The following RAB36 variants were observed in gnomAD, a reference collection of about 807,000 sequenced individuals.
The protein encoded by RAB36 is RAB36, member RAS oncogene family, also known as ras-related protein Rab-36.
Under a neutral mutation model 39.3 loss-of-function variants are expected in RAB36, and 33 were observed. That is an observed-to-expected ratio of 0.84 (90% CI 0.64 to 1.12). The LOEUF (loss-of-function observed/expected upper bound fraction) is 1.12. Among genes scored for constraint, RAB36 ranks in the 50% most tolerant of loss-of-function variants. The probability of loss-of-function intolerance (pLI) is 0.00; values close to 1 mark genes in which losing one functional copy is unlikely to be tolerated. For synonymous variants in RAB36, 133 were observed against 140.2 expected, an observed-to-expected ratio of 0.95 and a Z score of 0.36; for missense variants, 308 against 355.3, an observed-to-expected ratio of 0.87 and a Z score of 1.07.
At position 23,161,608 on chromosome 22, in the gene RAB36, A is replaced by G; in HGVS notation, c.*44A>G. ...GCCTCCGCTCCCTGCACACACACGG[A>G]CAGGAATTTCCGTGACTGTGGTGTG... On this transcript the variant is annotated 3_prime_UTR_variant, in exon 11 of 11. Coordinates refer to ENST00000263116, the MANE Select transcript of RAB36 (RefSeq NM_004914.5). 1 of 1,501,268 alleles carries G rather than the reference A, an allele frequency of 6.7e-7. No homozygotes were observed. Among genetic ancestry groups the G allele is most frequent in the Non-Finnish European group, 9.1e-7 (1 of 1,096,714 alleles). The allele number at this position is 1,501,268 out of a possible 1,614,324, so 93.0% of individuals were successfully genotyped here.
rs1361821682 is a variant in RAB36, at chr22:23,158,994, A to C, written c.528+15A>C. 4.3e-6 allele frequency: 7 copies of C among 1,613,050 alleles called. No homozygotes were observed. Among genetic ancestry groups the C allele is most frequent in the Non-Finnish European group, 2.5e-6 (3 of 1,179,146 alleles). On this transcript the variant is annotated intron_variant, in intron 8 of 10. Coordinates refer to ENST00000263116, the MANE Select transcript of RAB36 (RefSeq NM_004914.5). Reference sequence around the variant, plus strand: ...AGGACCTTCTGGTGAGCAGAGTGGCACTGGTGGTCTGGGTGGCCCTTGGGA... The same window carrying C: ...AGGACCTTCTGGTGAGCAGAGTGGCCCTGGTGGTCTGGGTGGCCCTTGGGA...
In RAB36 at chr22:23,158,992, G is replaced by A; in HGVS notation, c.528+13G>A. Reference sequence around the variant, plus strand: ...GAAGGACCTTCTGGTGAGCAGAGTGGCACTGGTGGTCTGGGTGGCCCTTGG... The same window carrying A: ...GAAGGACCTTCTGGTGAGCAGAGTGACACTGGTGGTCTGGGTGGCCCTTGG... On this transcript the variant is annotated intron_variant, in intron 8 of 10. Coordinates refer to ENST00000263116, the MANE Select transcript of RAB36 (RefSeq NM_004914.5). The A allele has an allele frequency of 6.2e-7, 1 of 1,613,286 alleles. No homozygotes were observed. Among genetic ancestry groups the A allele is most frequent in the South Asian group, 1.1e-5 (1 of 91,052 alleles).
chr22:23,149,913 A>G (rs1373669947), intron 2 of RAB36, 150 bp from the exon 3 acceptor site: 1 of 669,122 alleles, frequency 1.5e-6, no homozygotes. Flanking sequence ...GAAGATACAC[A>G]TGACAAATGG....
At chr22:23,155,513 A>C (rs552458660) in intron 5 of RAB36, among the ~76,000 whole-genome samples, 1 of 152,204 alleles carries the variant, frequency 6.6e-6, no homozygotes, top group Non-Finnish European at 1.5e-5. Flanking sequence ...GCAGTGTGGA[A>C]GGTGAAGCAA....
At position 23,162,413 on chromosome 22, in the gene RAB36, C is replaced by G; in HGVS notation, c.*849C>G. ...AACATGGCACTGCCCTCCTCTGGCA[C>G]TCATGCTGGGCCTGTGCCCACTGCT... On this transcript the variant is annotated 3_prime_UTR_variant, in exon 11 of 11. Transcript: ENST00000263116. The G allele has an allele frequency of 2.8e-6, 1 of 351,100 alleles. No individual in the cohort carries two copies. Among genetic ancestry groups the G allele is most frequent in the Non-Finnish European group, 5.7e-6 (1 of 176,258 alleles). The allele number at this position is 351,100 out of a possible 1,614,324, so 21.7% of individuals were successfully genotyped here. A position where few individuals can be genotyped will look rare whatever the true frequency, so the allele number is the denominator to read the frequency against.
intron 6 of RAB36, 137 bp from the exon 7 acceptor site, chr22:23,157,855 T>G: frequency 6.5e-7 from 1 of 1,545,708 alleles, no homozygotes; most frequent in Non-Finnish European, 8.7e-7. Context: ...TCAGCCTTCA[T>G]TGTAGGAGGT....
At chr22:23,152,599 A>G (rs1310123873) in intron 4 of RAB36, 73 bp downstream of exon 4, 3 of 1,405,750 alleles carry the variant, frequency 2.1e-6, no homozygotes, top group Non-Finnish European at 3.0e-6. Context: ...TGGGTGGCCC[A>G]GATAATATCA....
Position 23,161,696 on chromosome 22 carries a change from T to C in RAB36, c.*132T>C. 1.3e-6 allele frequency: 1 copy of C among 760,862 alleles called. No homozygotes were observed. Among genetic ancestry groups the C allele is most frequent in the Non-Finnish European group, 2.1e-6 (1 of 480,750 alleles). The allele number at this position is 760,862 out of a possible 1,614,324, so 47.1% of individuals were successfully genotyped here. On this transcript the variant is annotated 3_prime_UTR_variant, in exon 11 of 11. Transcript: ENST00000263116. ...AGCTGTAGGCCCATGTTCCAGTCCC[T>C]CCACCCACCCACCGGGCTCAGCTCC...
chr22:23,145,675 C>T, intron 1 of RAB36, 124 bp downstream of exon 1: 1 of 1,167,350 alleles, frequency 8.6e-7, no homozygotes, highest in Non-Finnish European at 1.2e-6. Flanking sequence ...AACTTGAAAG[C>T]GGCCTGCGGC....
chr22:23,147,431 G>A (rs1338074587), intron 2 of RAB36, among the ~76,000 whole-genome samples: 2 of 151,984 alleles, frequency 1.3e-5, no homozygotes, highest in Non-Finnish European at 2.9e-5. Context: ...CTGGGCTGAA[G>A]CAATCCTTCT....
intron 9 of RAB36, 92 bp from the exon 10 acceptor site, chr22:23,160,787 C>A (rs930909758): frequency 6.5e-7 from 1 of 1,538,940 alleles, no homozygotes; most frequent in Non-Finnish European, 8.8e-7. Context: ...ACGTGCCAAC[C>A]TGAGGGTAGG....
rs964963242 is a variant in RAB36, at chr22:23,161,098, T to C, written c.739+100T>C. 5.7e-6 allele frequency: 8 copies of C among 1,414,492 alleles called. No homozygotes were observed. In the East Asian group the frequency reaches 1.9e-4, roughly 34 times the overall value. The allele number at this position is 1,414,492 out of a possible 1,614,324, so 87.6% of individuals were successfully genotyped here. A position where few individuals can be genotyped will look rare whatever the true frequency, so the allele number is the denominator to read the frequency against. ...CCTGAGGCCTTGCCATTTCCTGAAC[T>C]TGTGGCCCTCTCCTGTCCTTTGACC... On this transcript the variant is annotated intron_variant, in intron 10 of 10. Coordinates refer to ENST00000263116, the MANE Select transcript of RAB36 (RefSeq NM_004914.5).
downstream of RAB36, among the ~76,000 whole-genome samples, chr22:23,168,181 C>T (rs972890889): frequency 6.6e-6 from 1 of 152,196 alleles, no homozygotes; most frequent in African/African-American, 2.4e-5. Context: ...GCCAGCCCGA[C>T]CCCATTTTCA....
chr22:23,145,511 G>T lies in RAB36; in HGVS notation c.-53G>T. Reference sequence around the variant, plus strand: ...GTGATCGCCGCCGCTGGCTCAGGCGGACCAGGCCGCGCGGAGCCCCAGCTT... The same window carrying T: ...GTGATCGCCGCCGCTGGCTCAGGCGTACCAGGCCGCGCGGAGCCCCAGCTT... On this transcript the variant is annotated 5_prime_UTR_variant, in exon 1 of 11. Coordinates refer to ENST00000263116, the MANE Select transcript of RAB36 (RefSeq NM_004914.5). The T allele has an allele frequency of 1.2e-6, 2 of 1,605,560 alleles. No individual in the cohort carries two copies. The highest frequency in any genetic ancestry group is 1.7e-6 in the Non-Finnish European group (2 of 1,179,550).
rs2071743485 is a variant in RAB36, at chr22:23,160,877, AG to A, written c.620del. 13 of 1,612,628 alleles carry A rather than the reference AG, an allele frequency of 8.1e-6. No individual in the cohort carries two copies. The East Asian group carries it at 2.9e-4, about 36-fold the overall frequency. ...GGTCCCGGCTGTCTTGTGGGCCCAC[AG>A]GCGAGAACGTGAAGGCATTCTTCAG... On this transcript the variant is annotated splice_acceptor_variant, in intron 9 of 10. Coordinates refer to ENST00000263116, the MANE Select transcript of RAB36 (RefSeq NM_004914.5). LOFTEE classifies it high-confidence loss of function.
chr22:23,145,434 G>A (rs1480797190), upstream of RAB36: 2 of 1,610,702 alleles, frequency 1.2e-6, no homozygotes, highest in Non-Finnish European at 1.7e-6. Context: ...CCCCGCCCAC[G>A]ACGTCGACGA....
chr22:23,156,147 C>CA (rs56396215), intron 6 of RAB36, 115 bp downstream of exon 6: 200,337 of 867,286 alleles, frequency 0.23, 25,304 homozygotes, highest in East Asian at 0.36. Context: ...TCCTCCAAGA[C>CA]CCACTGAGAA....
At chr22:23,155,888 G>A (rs2071419076) in intron 5 of RAB36, 80 bp from the exon 6 acceptor site, 1 of 1,331,672 alleles carries the variant, frequency 7.5e-7, no homozygotes, top group East Asian at 2.6e-5. Context: ...TCCCACCCAT[G>A]GTCCCGTAGC....
chr22:23,151,753 G>C (rs1409495960), intron 3 of RAB36, among the ~76,000 whole-genome samples: 1 of 152,230 alleles, frequency 6.6e-6, no homozygotes. Flanking sequence ...AAACGCCTCT[G>C]CACAGAGTGT....
Sources: gnomAD v4.1 joint callset for allele counts (sites outside exome capture counted in the v4.1 genomes callset) on GRCh38, gnomAD v4.1.1 for gene constraint, MANE v1.5 for transcripts, NCBI Gene and HGNC (gene_info 2026-07-23, HGNC 2026-07-21) for gene names.